HTT: variants seen among roughly 807,000 people sequenced by gnomAD.
HTT encodes the protein huntington disease protein.
Under a neutral mutation model 362.3 loss-of-function variants are expected in HTT, and 104 were observed. The observed-to-expected ratio is 0.29, with a 90% CI of 0.24 to 0.34. The LOEUF is 0.34. HTT is among the 10% of genes least tolerant of loss of function. The probability of loss-of-function intolerance (pLI) is 1.00; values close to 1 mark genes in which losing one functional copy is unlikely to be tolerated. For synonymous variants in HTT, 1,577 were observed against 1,548.7 expected (o/e 1.02, Z -0.43); for missense variants, 3,301 against 3,928.6 (o/e 0.84, Z 4.27).
At chr4:3,230,563 G>T (rs1251434518) in intron 60 of HTT, among the ~76,000 whole-genome samples, 1 of 152,178 alleles carries the variant, frequency 6.6e-6, no homozygotes, top group Non-Finnish European at 1.5e-5. Context: ...GGTTGTCTTA[G>T]TCTTTTTTGG....
chr4:3,109,504 C>T (rs945290451), intron 6 of HTT, among the ~76,000 whole-genome samples: 8 of 152,234 alleles, frequency 5.3e-5, no homozygotes, highest in South Asian at 2.1e-4. Context: ...GGATTACAGG[C>T]GTGAGCCACT....
rs551666793 is a variant in HTT, at chr4:3,173,270, A to C, written c.4166+139A>C. 3 of 681,534 alleles carry C rather than the reference A, an allele frequency of 4.4e-6. No homozygotes were observed. In the African/African-American group the frequency reaches 5.4e-5, roughly 12 times the overall value. 42.2% of individuals were successfully genotyped at this position (681,534 alleles called of 1,614,324 possible). A position where few individuals can be genotyped will look rare whatever the true frequency, so the allele number is the denominator to read the frequency against. On this transcript the variant is annotated intron_variant, in intron 31 of 66. Coordinates refer to ENST00000355072, the MANE Select transcript of HTT (RefSeq NM_001388492.1). ...CTGTATTCAGAGAACTCTAGGAGAT[A>C]TATATGGTTGATGCAAAGATGATTT... is the stretch of plus-strand genomic sequence containing the variant.
chr4:3,085,162 C>T (rs1353039218), intron 1 of HTT, among the ~76,000 whole-genome samples: 4 of 150,486 alleles, frequency 2.7e-5, no homozygotes, highest in Non-Finnish European at 4.4e-5. Context: ...TTTTTTGAGA[C>T]AGTCTGGCTC....
intron 8 of HTT, among the ~76,000 whole-genome samples, chr4:3,119,549 A>G (rs1484577120): frequency 6.6e-6 from 1 of 152,232 alleles, no homozygotes; most frequent in Admixed American, 6.5e-5. Flanking sequence ...TTGTTCATAA[A>G]TTATGCAGTG....
chr4:3,216,343 G>T lies in HTT; in HGVS notation c.7054+1132G>T, dbSNP rs540513011. 6.2e-4 allele frequency among the ~76,000 whole-genome samples: 95 copies of T among 152,314 alleles called. No individual in the cohort carries two copies. The South Asian group carries it at 0.012, about 19-fold the overall frequency. ...TTTCTTGTTGCTACCTAAGGAATATGAAAACACCCACCTCCCTACTCTGCA... is the reference window on the plus strand; with the variant it reads ...TTTCTTGTTGCTACCTAAGGAATATTAAAACACCCACCTCCCTACTCTGCA... On this transcript the variant is annotated intron_variant, in intron 51 of 66. Coordinates refer to ENST00000355072, the MANE Select transcript of HTT (RefSeq NM_001388492.1).
intron 55 of HTT, among the ~76,000 whole-genome samples, 172 bp from the exon 56 acceptor site, chr4:3,223,820 A>G (rs1375643783): frequency 6.6e-6 from 1 of 152,220 alleles, no homozygotes; most frequent in Non-Finnish European, 1.5e-5. Flanking sequence ...TGAGCAGGCA[A>G]CTAGTAGAAC....
intron 38 of HTT, among the ~76,000 whole-genome samples, chr4:3,186,998 A>G (rs942521987): frequency 1.3e-4 from 19 of 151,682 alleles, no homozygotes; most frequent in African/African-American, 4.4e-4. Flanking sequence ...TGCTGGGACT[A>G]CAAGCGCCCA....
intron 29 of HTT, among the ~76,000 whole-genome samples, chr4:3,164,921 A>C (rs189716858): frequency 5.9e-5 from 9 of 152,304 alleles, no homozygotes; most frequent in Admixed American, 1.3e-4. Context: ...GCCCATTTAC[A>C]TTTAAGGTTA....
chr4:3,222,209 A>G (rs1213494459), intron 53 of HTT, among the ~76,000 whole-genome samples, 178 bp from the exon 54 acceptor site: 4 of 152,232 alleles, frequency 2.6e-5, no homozygotes, highest in South Asian at 2.1e-4. Context: ...GGTTTCCTCA[A>G]TGATGAAATG....
Position 3,084,498 on chromosome 4 carries a change from G to A in HTT, c.264-2441G>A, listed in dbSNP as rs552445021. On this transcript the variant is annotated intron_variant, in intron 1 of 66. Coordinates refer to ENST00000355072, the MANE Select transcript of HTT (RefSeq NM_001388492.1). Reference sequence around the variant, plus strand: ...TGAGGTCAGGAGTTCGAGACCAGCCGGGCCAACATGATGAAACCCCATCTT... The same window carrying A: ...TGAGGTCAGGAGTTCGAGACCAGCCAGGCCAACATGATGAAACCCCATCTT... Among the ~76,000 whole-genome samples, 58 of 151,558 alleles carry A rather than the reference G, an allele frequency of 3.8e-4. No individual in the cohort carries two copies. In the South Asian group the frequency reaches 6.3e-3, roughly 16 times the overall value.
At chr4:3,217,006 C>A (rs1212281109) in intron 51 of HTT, among the ~76,000 whole-genome samples, 1 of 148,376 alleles carries the variant, frequency 6.7e-6, no homozygotes. Context: ...GCCTGGGCGA[C>A]AGAGCAAGAC....
intron 63 of HTT, 49 bp from the exon 64 acceptor site, chr4:3,236,100 C>A: frequency 1.5e-6 from 2 of 1,290,774 alleles, no homozygotes; most frequent in Non-Finnish European, 2.3e-6. Flanking sequence ...TCTACAGAGC[C>A]TATTGGGTTG....
At chr4:3,186,505 G>C in intron 37 of HTT, 92 bp from the exon 38 acceptor site, 1 of 1,388,834 alleles carries the variant, frequency 7.2e-7, no homozygotes, top group Non-Finnish European at 1.0e-6. Flanking sequence ...AGATGATTAT[G>C]ATGATTTGCC....
intron 40 of HTT, among the ~76,000 whole-genome samples, chr4:3,192,076 T>A (rs569318454): frequency 2.6e-5 from 4 of 152,202 alleles, no homozygotes; most frequent in Admixed American, 6.5e-5. Flanking sequence ...ATTTTTAAAT[T>A]TTATTTTAAA....
chr4:3,127,456 A>T lies in HTT; in HGVS notation c.1595A>T (p.His532Leu), dbSNP rs1455490401. 7 of 1,614,174 alleles carry T rather than the reference A, an allele frequency of 4.3e-6. No individual in the cohort carries two copies. Among genetic ancestry groups the T allele is most frequent in the Non-Finnish European group, 5.9e-6 (7 of 1,180,036 alleles). ...GGGGATGAGGAGGATATCTTGAGCC[A>T]CAGCTCCAGCCAGGTCAGCGCCGTC... ...TDGDEEDILSHSSSQVSAVPS... is the reference protein window; with the variant it reads ...TDGDEEDILSLSSSQVSAVPS... Residue 532 changes from histidine (H) to leucine (L), a missense_variant, in exon 12 of 67, where the codon CAC (histidine) becomes CTC (leucine). Coordinates refer to ENST00000355072, the MANE Select transcript of HTT (RefSeq NM_001388492.1).
In HTT at chr4:3,228,691, A is replaced by T; in HGVS notation, c.7925A>T (p.Glu2642Val). The change falls in exon 58 of 67, where the codon GAG becomes GTG. Residue 2642 changes from glutamate (E) to valine (V), a missense_variant. Physicochemically the swap from Glu to Val is moderately radical, Grantham distance 121. Coordinates refer to ENST00000355072, the MANE Select transcript of HTT (RefSeq NM_001388492.1). The surrounding 1 kb of genome is among the most constrained non-coding windows in gnomAD (Gnocchi z 4.3). ...GAGGAATGGGACGAGGAAGAGGAGGAGGAGGCCGACGCCCCTGCACCTTCG... is the reference window on the plus strand; with the variant it reads ...GAGGAATGGGACGAGGAAGAGGAGGTGGAGGCCGACGCCCCTGCACCTTCG... The part of the protein sequence containing the change: ...REEEWDEEEE[E>V]EADAPAPSSP... The T allele has an allele frequency of 1.2e-6, 2 of 1,610,766 alleles. No homozygotes were observed. The highest frequency in any genetic ancestry group is 1.7e-6 in the Non-Finnish European group (2 of 1,178,018).
chr4:3,212,441 T>C, intron 48 of HTT, 123 bp from the exon 49 acceptor site: 3 of 1,252,058 alleles, frequency 2.4e-6, no homozygotes, highest in Non-Finnish European at 3.4e-6. Context: ...GATGTGTAGA[T>C]GTGCCACTGA....
At chr4:3,151,431 TA>T (rs1716887764) in intron 26 of HTT, among the ~76,000 whole-genome samples, 1 of 151,852 alleles carries the variant, frequency 6.6e-6, no homozygotes, top group Non-Finnish European at 1.5e-5. Context: ...AGAGTGCCTG[TA>T]GGGGGAGTTG....
At chr4:3,191,287 C>T (rs1385992375) in intron 40 of HTT, among the ~76,000 whole-genome samples, 7 of 152,044 alleles carry the variant, frequency 4.6e-5, no homozygotes, top group Non-Finnish European at 1.0e-4. Context: ...AATTCTCCTG[C>T]CTCAGCCTCC....
Sources: gnomAD v4.1 joint callset for allele counts (sites outside exome capture counted in the v4.1 genomes callset) on GRCh38, gnomAD v4.1.1 for gene constraint, Gnocchi (gnomAD v3.1) non-coding constraint, MANE v1.5 for transcripts, NCBI Gene and HGNC (gene_info 2026-07-23, HGNC 2026-07-21) for gene names.